The following SEC24A variants were observed in gnomAD, a reference collection of about 807,000 sequenced individuals.
The protein encoded by SEC24A is protein transport protein Sec24A.
SEC24A carries 93 observed loss-of-function variants against 129.4 expected under a neutral mutation model. The observed-to-expected ratio is 0.72, with a 90% CI of 0.61 to 0.85. The LOEUF is 0.85. Among genes scored for constraint, SEC24A ranks in the 40% least tolerant of loss-of-function variants. The probability of loss-of-function intolerance (pLI) is 0.00; values close to 1 mark genes in which losing one functional copy is unlikely to be tolerated. For synonymous variants in SEC24A, 460 were observed against 467.3 expected, an observed-to-expected ratio of 0.98 and a Z score of 0.20; for missense variants, 1,264 against 1,307.4, an observed-to-expected ratio of 0.97 and a Z score of 0.51.
intron 20 of SEC24A, among the ~76,000 whole-genome samples, chr5:134,718,465 C>T (rs376229871): frequency 2.0e-5 from 3 of 151,910 alleles, no homozygotes; most frequent in East Asian, 1.9e-4. Flanking sequence ...TAACCTTAGG[C>T]GGGTCCTTGA....
At chr5:134,678,153 G>GCC (rs1472173417) in intron 7 of SEC24A, among the ~76,000 whole-genome samples, 2 of 151,990 alleles carry the variant, frequency 1.3e-5, no homozygotes, top group Non-Finnish European at 2.9e-5. Context: ...TCCAGACAGA[G>GCC]TAAGTGGTAC....
At chr5:134,671,307 G>A (rs568378978) in intron 3 of SEC24A, among the ~76,000 whole-genome samples, 34 of 152,072 alleles carry the variant, frequency 2.2e-4, no homozygotes, top group Non-Finnish European at 3.2e-4. Context: ...TGATCCGCCC[G>A]CCTTGGCCTC....
chr5:134,674,789 G>C lies in SEC24A; in HGVS notation c.978+14G>C, dbSNP rs1355794882. ...GCCTTTACTCAGGTAAACTTTTTGGGATTTTCTTTAACCTATTTCTCCATT... is the reference window on the plus strand; with the variant it reads ...GCCTTTACTCAGGTAAACTTTTTGGCATTTTCTTTAACCTATTTCTCCATT... On this transcript the variant is annotated intron_variant, in intron 5 of 22. Coordinates refer to ENST00000398844, the MANE Select transcript of SEC24A (RefSeq NM_021982.3). 1.2e-6 allele frequency: 2 copies of C among 1,608,506 alleles called. No homozygotes were observed. Among genetic ancestry groups the C allele is most frequent in the Non-Finnish European group, 8.5e-7 (1 of 1,177,578 alleles).
chr5:134,701,098 C>G (rs762489962), intron 15 of SEC24A: 1 of 152,198 alleles, frequency 6.6e-6, no homozygotes, highest in Non-Finnish European at 1.5e-5. Context: ...CCACCCGCCT[C>G]GGCCTCCCAA....
chr5:134,683,562 A>T (rs1013054724), intron 9 of SEC24A, among the ~76,000 whole-genome samples: 2 of 152,158 alleles, frequency 1.3e-5, no homozygotes, highest in African/African-American at 4.8e-5. Flanking sequence ...TGCTGAAGCT[A>T]AAGTGCAGTG....
chr5:134,692,472 C>A, intron 11 of SEC24A, 130 bp from the exon 12 acceptor site: 1 of 578,722 alleles, frequency 1.7e-6, no homozygotes, highest in Non-Finnish European at 3.1e-6. Context: ...CACATGTAAA[C>A]AGTGCTATAA....
At chr5:134,652,503 C>G (rs2150065651) in intron 1 of SEC24A, among the ~76,000 whole-genome samples, 1 of 151,952 alleles carries the variant, frequency 6.6e-6, no homozygotes, top group East Asian at 1.9e-4. Context: ...CCAGGCTGGT[C>G]TCGAACTCCC....
At position 134,697,195 on chromosome 5, in the gene SEC24A, G is replaced by A. The variant is rs1266899806; in HGVS notation, c.2056G>A (p.Ala686Thr). 3 of 1,604,966 alleles carry A rather than the reference G, an allele frequency of 1.9e-6. No homozygotes were observed. The highest frequency in any genetic ancestry group is 2.6e-6 in the Non-Finnish European group (3 of 1,173,262). Reference protein sequence around the residue: ...LALDCSGQQVAVDLFLLSGQY... With the variant: ...LALDCSGQQVTVDLFLLSGQY... Reference sequence around the variant, plus strand: ...CTTGGACTGTTCTGGTCAGCAAGTTGCTGTTGACTTATTCCTTCTCAGTGG... The same window carrying A: ...CTTGGACTGTTCTGGTCAGCAAGTTACTGTTGACTTATTCCTTCTCAGTGG... Residue 686 changes from alanine to threonine, a missense_variant, in exon 14 of 23, where the codon GCT becomes ACT. Transcript: ENST00000398844.
chr5:134,712,244 A>G (rs1448931570), intron 18 of SEC24A, among the ~76,000 whole-genome samples: 4 of 149,458 alleles, frequency 2.7e-5, no homozygotes, highest in African/African-American at 9.8e-5. Flanking sequence ...TTGAATCTAC[A>G]GTTCTCATTT....
At position 134,682,421 on chromosome 5, in the gene SEC24A, C is replaced by G. The variant is rs1277169012; in HGVS notation, c.1430C>G (p.Pro477Arg). The G allele has an allele frequency of 6.2e-7, 1 of 1,609,736 alleles. No homozygotes were observed. Among genetic ancestry groups the G allele is most frequent in the Non-Finnish European group, 8.5e-7 (1 of 1,176,364 alleles). Residue 477 changes from proline (P) to arginine (R), a missense_variant, in exon 9 of 23, where the codon CCT becomes CGT. Transcript: ENST00000398844. ...YNPLTRVYGEPHRRPEVQNAT... is the reference protein window; with the variant it reads ...YNPLTRVYGERHRRPEVQNAT... The stretch of plus-strand genomic sequence containing the variant: ...CCTTTGACCAGAGTTTATGGAGAAC[C>G]TCACAGAAGACCAGAAGTTCAAAAT...
At chr5:134,711,625 C>T (rs893622855) in intron 18 of SEC24A, among the ~76,000 whole-genome samples, 36 of 144,308 alleles carry the variant, frequency 2.5e-4, no homozygotes, top group Non-Finnish European at 7.5e-5. Context: ...GTGGCAGTGG[C>T]GATCTCGGCT....
chr5:134,719,906 ACCT>A (rs1752582786), intron 20 of SEC24A, among the ~76,000 whole-genome samples: 1 of 151,920 alleles, frequency 6.6e-6, no homozygotes, highest in South Asian at 2.1e-4. Context: ...AATCACTTGA[ACCT>A]GGGAGGTGGA....
chr5:134,695,995 G>C (rs1360971170), intron 13 of SEC24A, among the ~76,000 whole-genome samples: 4 of 151,520 alleles, frequency 2.6e-5, no homozygotes, highest in African/African-American at 9.7e-5. Context: ...GGCCAGGTGT[G>C]GTGGCTCACA....
At chr5:134,695,174 A>T (rs1751780655) in intron 13 of SEC24A, among the ~76,000 whole-genome samples, 1 of 152,086 alleles carries the variant, frequency 6.6e-6, no homozygotes, top group African/African-American at 2.4e-5. Context: ...GTTTGAGACC[A>T]ATCTGGGCAA....
intron 15 of SEC24A, among the ~76,000 whole-genome samples, chr5:134,699,301 C>CG (rs1429369613): frequency 1.4e-5 from 2 of 138,422 alleles, no homozygotes; most frequent in African/African-American, 5.5e-5. Context: ...CCATTTTATC[C>CG]TTTTTTTTTT....
At chr5:134,700,274 G>GC (rs1208587775) in intron 15 of SEC24A, among the ~76,000 whole-genome samples, 1 of 151,628 alleles carries the variant, frequency 6.6e-6, no homozygotes, top group Non-Finnish European at 1.5e-5. Flanking sequence ...TGGCTGGAGT[G>GC]CAGTGGCATG....
chr5:134,697,340 A>AT, intron 14 of SEC24A, 94 bp downstream of exon 14: 1 of 1,022,408 alleles, frequency 9.8e-7, no homozygotes, highest in African/African-American at 1.6e-5. Flanking sequence ...AAGTTAAAGA[A>AT]TATGTATGCC....
At chr5:134,692,016 A>C (rs1384510953) in intron 11 of SEC24A, among the ~76,000 whole-genome samples, 2 of 150,344 alleles carry the variant, frequency 1.3e-5, no homozygotes, top group Non-Finnish European at 3.0e-5. Context: ...CACTTACACA[A>C]ATTCAGTGAG....
chr5:134,719,802 G>A (rs995546222), intron 20 of SEC24A, among the ~76,000 whole-genome samples: 6 of 152,122 alleles, frequency 3.9e-5, no homozygotes, highest in African/African-American at 9.6e-5. Context: ...CCTGACCAAC[G>A]TGGAGAAACC....
Sources: gnomAD v4.1 joint callset for allele counts (sites outside exome capture counted in the v4.1 genomes callset) on GRCh38, gnomAD v4.1.1 for gene constraint, MANE v1.5 for transcripts, NCBI Gene and HGNC (gene_info 2026-07-23, HGNC 2026-07-21) for gene names.